The following THRB variants were observed in gnomAD, a reference collection of about 807,000 sequenced individuals.
The protein encoded by THRB is thyroid hormone receptor beta, also known as nuclear receptor subfamily 1 group A member 2.
A neutral mutation model predicts 47.8 loss-of-function variants in THRB; 12 were observed. The ratio of observed to expected loss-of-function variants is 0.25; its 90% CI spans 0.16 to 0.41. THRB has a LOEUF of 0.41. Ranked by LOEUF, THRB falls within the 10% of genes least tolerant of loss-of-function variation. The pLI is 1.00. For missense variants in THRB, 348 were observed against 589.2 expected (o/e 0.59, Z 4.24); for synonymous variants, 218 against 212.2 (o/e 1.03, Z -0.24).
intron 1 of THRB, among the ~76,000 whole-genome samples, chr3:24,441,800 C>T (rs939910835): frequency 2.6e-5 from 4 of 152,136 alleles, no homozygotes; most frequent in African/African-American, 9.7e-5. Flanking sequence ...AGACTCCTTC[C>T]AAAACAGAAA....
Position 24,430,523 on chromosome 3 carries a change from T to C in THRB, c.-261+64129A>G, listed in dbSNP as rs529636045. Among the ~76,000 whole-genome samples, 25 of 152,154 alleles carry C rather than the reference T, an allele frequency of 1.6e-4. 1 individual carries two copies. The South Asian group carries it at 5.0e-3, about 30-fold the overall frequency. On this transcript the variant is annotated intron_variant, in intron 1 of 10. Transcript: ENST00000646209. ...GTAAAGACAACATTTTTAAAGAATA[T>C]AAATTTATTACCACTGAACTCTATA...
chr3:24,446,943 G>A (rs2072148367), intron 1 of THRB, among the ~76,000 whole-genome samples: 1 of 152,166 alleles, frequency 6.6e-6, no homozygotes, highest in Non-Finnish European at 1.5e-5. Context: ...AAGGAAATAG[G>A]CAGAAGAGTC....
chr3:24,230,277 A>G (rs1163920927), intron 3 of THRB, among the ~76,000 whole-genome samples: 2 of 152,198 alleles, frequency 1.3e-5, no homozygotes, highest in Non-Finnish European at 2.9e-5. Context: ...CTTTCCCACC[A>G]CACTGTAATC....
intron 3 of THRB, among the ~76,000 whole-genome samples, chr3:24,251,943 T>C (rs2050710996): frequency 1.3e-5 from 2 of 152,058 alleles, no homozygotes. Flanking sequence ...TTGGAAAAAT[T>C]AGAAGAACAA....
chr3:24,253,268 A>G (rs2050851276), intron 3 of THRB, among the ~76,000 whole-genome samples: 1 of 152,216 alleles, frequency 6.6e-6, no homozygotes, highest in Non-Finnish European at 1.5e-5. Context: ...CTTCTTTTCT[A>G]CAAAGTGCAA....
At chr3:24,266,873 G>A (rs553582640) in intron 3 of THRB, among the ~76,000 whole-genome samples, 4 of 152,022 alleles carry the variant, frequency 2.6e-5, no homozygotes, top group African/African-American at 9.6e-5. Context: ...TATGGATGGA[G>A]GAAAGAGAGG....
intron 1 of THRB, among the ~76,000 whole-genome samples, chr3:24,412,992 A>T (rs1577391155): frequency 1.3e-5 from 2 of 151,826 alleles, no homozygotes; most frequent in South Asian, 2.1e-4. Context: ...ACCAAAAAAA[A>T]CTTTAAATAC....
chr3:24,321,680 T>A (rs2058495449), intron 2 of THRB, among the ~76,000 whole-genome samples: 1 of 152,188 alleles, frequency 6.6e-6, no homozygotes, highest in Non-Finnish European at 1.5e-5. Context: ...AAGGTTCCCC[T>A]AAAGAACCGT....
chr3:24,135,192 T>A (rs1189301924), intron 8 of THRB, among the ~76,000 whole-genome samples: 1 of 152,120 alleles, frequency 6.6e-6, no homozygotes, highest in Non-Finnish European at 1.5e-5. Flanking sequence ...CTCCCGCATA[T>A]CTCCTGTTAC....
chr3:24,360,995 T>C (rs577412242), intron 1 of THRB, among the ~76,000 whole-genome samples: 2 of 152,292 alleles, frequency 1.3e-5, no homozygotes, highest in Non-Finnish European at 2.9e-5. Flanking sequence ...GGTTGGCTCC[T>C]ACAGCTCCAG....
rs369236575 is a variant in THRB, at chr3:24,384,502, T to C, written c.-260-47131A>G. On this transcript the variant is annotated intron_variant, in intron 1 of 10. Coordinates refer to ENST00000646209, the MANE Select transcript of THRB (RefSeq NM_001354712.2). Reference sequence around the variant, plus strand: ...GGGTGGAGCAATGGTGAAAGGAGGATAAAATTTGGTAGGGATTTGATTGTG... The same window carrying C: ...GGGTGGAGCAATGGTGAAAGGAGGACAAAATTTGGTAGGGATTTGATTGTG... 2.0e-5 allele frequency among the ~76,000 whole-genome samples: 3 copies of C among 152,112 alleles called. 1 individual carries two copies. In the South Asian group the frequency reaches 6.2e-4, roughly 32 times the overall value.
rs2031808508 is a variant in THRB at position 24,122,191 on chromosome 3, CTGAAAAAAA to C, written c.*684_*692del. On this transcript the variant is annotated 3_prime_UTR_variant, in exon 11 of 11. Coordinates refer to ENST00000646209, the MANE Select transcript of THRB (RefSeq NM_001354712.2). Reference sequence around the variant, plus strand: ...AAGATTTCTAATTTCTCTGGGCTCACTGAAAAAAAATATTTTCCTTGTTGGCCTCCATCA... The same window carrying C: ...AAGATTTCTAATTTCTCTGGGCTCACATATTTTCCTTGTTGGCCTCCATCA... 1 of 152,996 alleles carries C rather than the reference CTGAAAAAAA, an allele frequency of 6.5e-6. No individual in the cohort carries two copies. Among genetic ancestry groups the C allele is most frequent in the Non-Finnish European group, 1.5e-5 (1 of 68,346 alleles). The allele number at this position is 152,996 out of a possible 1,614,324, so 9.5% of individuals were successfully genotyped here. A position where few individuals can be genotyped will look rare whatever the true frequency, so the allele number is the denominator to read the frequency against.
intron 3 of THRB, among the ~76,000 whole-genome samples, chr3:24,267,682 C>T (rs1274418364): frequency 6.6e-6 from 1 of 152,112 alleles, no homozygotes; most frequent in Non-Finnish European, 1.5e-5. Flanking sequence ...CAGAATAATC[C>T]CGGTAGGTTG....
intron 5 of THRB, among the ~76,000 whole-genome samples, chr3:24,161,822 T>TCCCCCA (rs1289378891): frequency 2.7e-5 from 3 of 109,266 alleles, no homozygotes; most frequent in Non-Finnish European, 5.8e-5. Flanking sequence ...AGGACAACCC[T>TCCCCCA]CCCCCACCCC....
At chr3:24,447,168 C>A (rs915314454) in intron 1 of THRB, among the ~76,000 whole-genome samples, 1 of 152,192 alleles carries the variant, frequency 6.6e-6, no homozygotes. Context: ...TCAAATCAAT[C>A]AAATTTCAAA....
intron 5 of THRB, among the ~76,000 whole-genome samples, chr3:24,153,515 TATG>T: frequency 1.3e-5 from 2 of 152,350 alleles, no homozygotes; most frequent in South Asian, 4.1e-4. Context: ...AAAATCCAAC[TATG>T]ATAACTCTCT....
At chr3:24,420,689 G>T (rs2069161673) in intron 1 of THRB, among the ~76,000 whole-genome samples, 1 of 151,806 alleles carries the variant, frequency 6.6e-6, no homozygotes, top group South Asian at 2.1e-4. Flanking sequence ...TTATTAAAAA[G>T]TCAAAAAATA....
At chr3:24,392,498 G>T (rs531348358) in intron 1 of THRB, among the ~76,000 whole-genome samples, 8 of 151,948 alleles carry the variant, frequency 5.3e-5, no homozygotes, top group African/African-American at 1.4e-4. Flanking sequence ...CTGTATTTTT[G>T]CACCCCTTAA....
intron 10 of THRB, among the ~76,000 whole-genome samples, chr3:24,124,340 T>C (rs114407209): frequency 6.6e-6 from 1 of 152,354 alleles, no homozygotes; most frequent in African/African-American, 2.4e-5. Context: ...GATTTGCTGG[T>C]TCTCCCTCTC....
Sources: gnomAD v4.1 joint callset for allele counts (sites outside exome capture counted in the v4.1 genomes callset) on GRCh38, gnomAD v4.1.1 for gene constraint, MANE v1.5 for transcripts, NCBI Gene and HGNC (gene_info 2026-07-23, HGNC 2026-07-21) for gene names.